The following NFU1 variants were observed in gnomAD, a reference collection of about 807,000 sequenced individuals.
NFU1 encodes the protein NFU1 iron-sulfur cluster scaffold, also known as NFU1 iron-sulfur cluster scaffold homolog, mitochondrial.
Under a neutral mutation model 32.2 loss-of-function variants are expected in NFU1, and 30 were observed. That is an observed-to-expected ratio of 0.93 (90% CI 0.70 to 1.26). NFU1 has a LOEUF of 1.26. Among genes scored for constraint, NFU1 ranks in the 50% most tolerant of loss-of-function variants. The pLI is 0.00. For synonymous variants in NFU1, 112 were observed against 104.6 expected, an observed-to-expected ratio of 1.07 and a Z score of -0.43; for missense variants, 306 against 306.6, an observed-to-expected ratio of 1.00 and a Z score of 0.02.
chr2:69,414,932 T>C lies in NFU1; in HGVS notation c.484+253A>G, dbSNP rs180701779. On this transcript the variant is annotated intron_variant, in intron 5 of 7. Coordinates refer to ENST00000410022, the MANE Select transcript of NFU1 (RefSeq NM_001002755.4). ...TGTAACTTAATTAACATTTGTTAGA[T>C]ATGAGTGGAGGGCAAATTGGTGAGC... Among the ~76,000 whole-genome samples, 66 of 152,282 alleles carry C rather than the reference T, an allele frequency of 4.3e-4. 1 individual carries two copies. The South Asian group carries it at 6.4e-3, about 15-fold the overall frequency.
chr2:69,420,490 C>T (rs1312392128), intron 3 of NFU1, among the ~76,000 whole-genome samples: 1 of 152,136 alleles, frequency 6.6e-6, no homozygotes, highest in African/African-American at 2.4e-5. Flanking sequence ...CTTGACTACC[C>T]CTACCAAATC....
In NFU1 at chr2:69,400,460, A is replaced by G; in HGVS notation, c.624T>C (p.Gly208=). ...TTGAACTAGGGCAGCTGGTACAAGA[A>G]CCCTGGAGTTTCAGCTGTACAATGC... ...EDGIVQLKLQ[G]SCTSCPSSII... is the part of the protein sequence containing the mutation. Residue 208 remains glycine, a synonymous_variant, in exon 7 of 8, where the codon GGT becomes GGC. Coordinates refer to ENST00000410022, the MANE Select transcript of NFU1 (RefSeq NM_001002755.4). 6.2e-7 allele frequency: 1 copy of G among 1,614,058 alleles called. No individual in the cohort carries two copies. The highest frequency in any genetic ancestry group is 1.3e-5 in the African/African-American group (1 of 75,036).
At chr2:69,420,424 C>G (rs1307114426) in intron 3 of NFU1, among the ~76,000 whole-genome samples, 1 of 152,132 alleles carries the variant, frequency 6.6e-6, no homozygotes, top group Non-Finnish European at 1.5e-5. Context: ...TTTTTTAATA[C>G]AAAATATGAA....
rs1343949465 is a variant in NFU1 at position 69,428,693 on chromosome 2, G to C, written c.166+3209C>G. 5.3e-5 allele frequency among the ~76,000 whole-genome samples: 8 copies of C among 152,022 alleles called. No homozygotes were observed. In the East Asian group the frequency reaches 1.3e-3, roughly 26 times the overall value. On this transcript the variant is annotated intron_variant, in intron 2 of 7. Transcript: ENST00000410022. ...TTATCTAACATTGCCAGGCATAATA[G>C]GAAAATACATTTAAGATCAATCTTC...
At chr2:69,423,254 GTGTGT>G (rs1673320783) in intron 3 of NFU1, among the ~76,000 whole-genome samples, 1 of 27,346 alleles carries the variant, frequency 3.7e-5, no homozygotes, top group African/African-American at 2.9e-4. Context: ...GTGTGTGTGT[GTGTGT>G]GTGTGTGTGT....
At chr2:69,406,658 C>T (rs1463021356) in intron 5 of NFU1, among the ~76,000 whole-genome samples, 1 of 152,166 alleles carries the variant, frequency 6.6e-6, no homozygotes, top group African/African-American at 2.4e-5. Context: ...GCAGCCTCAA[C>T]CTCCTGGGCT....
intron 5 of NFU1, among the ~76,000 whole-genome samples, chr2:69,410,261 C>T (rs1220103957): frequency 6.6e-6 from 1 of 152,022 alleles, no homozygotes; most frequent in East Asian, 1.9e-4. Flanking sequence ...TGGTGTTTGG[C>T]GCCTGTAATC....
chr2:69,399,233 A>G, intron 7 of NFU1: 1 of 322,300 alleles, frequency 3.1e-6, no homozygotes, highest in Non-Finnish European at 6.1e-6. Flanking sequence ...AAAAAGAATG[A>G]ATTACCTGAA....
At chr2:69,433,116 C>G (rs188212114) in intron 1 of NFU1, among the ~76,000 whole-genome samples, 1,461 of 140,474 alleles carry the variant, frequency 0.01, 29 homozygotes, top group African/African-American at 0.037. Context: ...TGCCACTGCA[C>G]TCCAGCCTGG....
chr2:69,403,482 C>G (rs1420828251), intron 6 of NFU1, among the ~76,000 whole-genome samples: 1 of 151,960 alleles, frequency 6.6e-6, no homozygotes, highest in Non-Finnish European at 1.5e-5. Context: ...CCTCAATCTC[C>G]CGGGCTCAAG....
intron 4 of NFU1, among the ~76,000 whole-genome samples, chr2:69,417,384 T>C (rs945973150): frequency 6.6e-6 from 1 of 151,700 alleles, no homozygotes; most frequent in East Asian, 1.9e-4. Context: ...GGCTCACACC[T>C]GTAATCCCAA....
rs778263345 is a variant in NFU1 at position 69,406,093 on chromosome 2, T to C, written c.485-11A>G. 2 of 1,545,318 alleles carry C rather than the reference T, an allele frequency of 1.3e-6. No homozygotes were observed. The highest frequency in any genetic ancestry group is 1.8e-6 in the Non-Finnish European group (2 of 1,119,632). ...CATCTTCTTCAGATCCTAGAAATAA[T>C]TACATATAAAAACATCAAGAGTAGA... On this transcript the variant is annotated splice_polypyrimidine_tract_variant and intron_variant, in intron 5 of 7. Transcript: ENST00000410022.
Position 69,406,962 on chromosome 2 carries a change from C to T in NFU1, c.485-880G>A, listed in dbSNP as rs116449052. Among the ~76,000 whole-genome samples the T allele has an allele frequency of 6.7e-3, 1,014 of 152,238 alleles. 9 individuals are homozygous for T. The highest frequency in any genetic ancestry group is 0.023 in the African/African-American group (959 of 41,540). On this transcript the variant is annotated intron_variant, in intron 5 of 7. Transcript: ENST00000410022. ...TGATCGTTTTATAAGGAACTTTTCT[C>T]CCTTTTGCTTGGCACTTCTTCTTGT...
At chr2:69,418,885 T>A (rs1249126464) in intron 4 of NFU1, among the ~76,000 whole-genome samples, 1 of 152,188 alleles carries the variant, frequency 6.6e-6, no homozygotes, top group Non-Finnish European at 1.5e-5. Context: ...TGATTTAAGT[T>A]CCGTGGATAT....
At chr2:69,437,475 C>T (rs1673891939), upstream of NFU1, 2 of 1,585,232 alleles carry the variant, frequency 1.3e-6, no homozygotes, top group Non-Finnish European at 1.7e-6. Context: ...AAGATCTGCG[C>T]AGCCGCAGGC....
upstream of NFU1, chr2:69,437,744 T>C (rs1326446463): frequency 4.2e-6 from 2 of 481,138 alleles, no homozygotes; most frequent in East Asian, 8.1e-5. Flanking sequence ...TTGCGAATGC[T>C]GTTTCCAGCC....
intron 5 of NFU1, among the ~76,000 whole-genome samples, chr2:69,411,599 A>T (rs1053381082): frequency 6.6e-6 from 1 of 151,428 alleles, no homozygotes; most frequent in Admixed American, 6.6e-5. Flanking sequence ...GAGACTTTTT[A>T]TTTTTTTTTA....
At chr2:69,438,804 G>C (rs2104832009), upstream of NFU1, among the ~76,000 whole-genome samples, 1 of 151,934 alleles carries the variant, frequency 6.6e-6, no homozygotes, top group African/African-American at 2.4e-5. Context: ...CCTCCTACGA[G>C]TTTGGTTCAT....
intron 1 of NFU1, among the ~76,000 whole-genome samples, chr2:69,433,650 A>G (rs1326121848): frequency 6.8e-6 from 1 of 146,064 alleles, no homozygotes; most frequent in Non-Finnish European, 1.5e-5. Flanking sequence ...TAATTTTTAT[A>G]TTTTTAGTAG....
Sources: gnomAD v4.1 joint callset for allele counts (sites outside exome capture counted in the v4.1 genomes callset) on GRCh38, gnomAD v4.1.1 for gene constraint, MANE v1.5 for transcripts, NCBI Gene and HGNC (gene_info 2026-07-23, HGNC 2026-07-21) for gene names.